Variants in COL24A1 observed in about 807,000 individuals in gnomAD.
The protein encoded by COL24A1 is collagen alpha-1(XXIV) chain.
Under a neutral mutation model 253.9 loss-of-function variants are expected in COL24A1, and 224 were observed. The observed-to-expected ratio is 0.88, with a 90% CI of 0.79 to 0.99. The LOEUF (loss-of-function observed/expected upper bound fraction) is 0.99. Ranked by LOEUF, COL24A1 falls within the 50% of genes least tolerant of loss-of-function variation. COL24A1 has a pLI of 0.00. For missense variants in COL24A1, 2,131 were observed against 2,068.5 expected (o/e 1.03, Z -0.59); for synonymous variants, 685 against 673.7 (o/e 1.02, Z -0.26).
In COL24A1 at chr1:85,761,565, C is replaced by T; in HGVS notation, c.4376G>A (p.Gly1459Asp). The T allele has an allele frequency of 3.1e-6, 5 of 1,614,020 alleles. No homozygotes were observed. Among genetic ancestry groups the T allele is most frequent in the Non-Finnish European group, 4.2e-6 (5 of 1,179,942 alleles). ...RGEKGFRGET[G>D]PQGPRGQPGP... ...TGGTTGACCTCTTGGTCCTTGAGGA[C>T]CCTGGAAGAAATGGAGACAAACACA... Residue 1459 changes from glycine (G) to aspartate (D), a missense_variant and splice_region_variant, in exon 54 of 60, where the codon GGT becomes GAT. Physicochemically the swap from Gly to Asp is moderately conservative, Grantham distance 94. Transcript: ENST00000370571.
chr1:86,136,093 C>G (rs1416577666), intron 2 of COL24A1, among the ~76,000 whole-genome samples: 1 of 152,046 alleles, frequency 6.6e-6, no homozygotes, highest in East Asian at 1.9e-4. Flanking sequence ...ATATACAACC[C>G]TTCATTCTCT....
intron 47 of COL24A1, among the ~76,000 whole-genome samples, chr1:85,807,792 G>GTATACT (rs1672136580): frequency 2.0e-5 from 3 of 152,182 alleles, no homozygotes; most frequent in Non-Finnish European, 4.4e-5. Context: ...GTATTCTTGA[G>GTATACT]AGAGACCTAT....
chr1:86,100,683 G>C (rs1016078078), intron 5 of COL24A1, among the ~76,000 whole-genome samples: 1 of 152,116 alleles, frequency 6.6e-6, no homozygotes, highest in African/African-American at 2.4e-5. Flanking sequence ...AATGATTAGA[G>C]AATGGGAACT....
intron 19 of COL24A1, among the ~76,000 whole-genome samples, chr1:86,000,702 C>T (rs1160842857): frequency 6.6e-6 from 1 of 152,156 alleles, no homozygotes; most frequent in Non-Finnish European, 1.5e-5. Context: ...TAATGAAGAC[C>T]ACCCTGACGG....
chr1:85,851,017 A>C (rs142280051), intron 37 of COL24A1, among the ~76,000 whole-genome samples: 1,544 of 124,772 alleles, frequency 0.012, 28 homozygotes, highest in African/African-American at 0.038. Flanking sequence ...ATATATATAT[A>C]TATCTACATA....
At chr1:86,110,715 C>T (rs908110789) in intron 5 of COL24A1, among the ~76,000 whole-genome samples, 2 of 152,130 alleles carry the variant, frequency 1.3e-5, no homozygotes, top group African/African-American at 4.8e-5. Flanking sequence ...GCGCTGGGTC[C>T]CGCAGCACTG....
intron 7 of COL24A1, among the ~76,000 whole-genome samples, chr1:86,084,111 A>G (rs1213814499): frequency 1.3e-5 from 2 of 152,194 alleles, no homozygotes; most frequent in African/African-American, 2.4e-5. Context: ...TTTGACCAAA[A>G]TAACCAGAGA....
intron 18 of COL24A1, among the ~76,000 whole-genome samples, chr1:86,019,676 C>T (rs1262828284): frequency 1.3e-5 from 2 of 151,752 alleles, no homozygotes; most frequent in Non-Finnish European, 2.9e-5. Context: ...TATCTTCGGC[C>T]CAAAGTAGTT....
chr1:85,846,995 T>C (rs1286747777), intron 39 of COL24A1, among the ~76,000 whole-genome samples: 1 of 152,116 alleles, frequency 6.6e-6, no homozygotes, highest in African/African-American at 2.4e-5. Flanking sequence ...TAAATGGAAA[T>C]ACGCATGCAT....
intron 28 of COL24A1, among the ~76,000 whole-genome samples, chr1:85,900,806 A>G (rs889784920): frequency 6.6e-6 from 1 of 152,190 alleles, no homozygotes; most frequent in African/African-American, 2.4e-5. Context: ...AGAGCACACA[A>G]TGGGGAATGG....
chr1:86,142,545 A>C (rs564658880), intron 2 of COL24A1, among the ~76,000 whole-genome samples: 3 of 151,010 alleles, frequency 2.0e-5, no homozygotes, highest in Admixed American at 6.6e-5. Context: ...AAAAAACAAA[A>C]AACAAAAAAA....
At chr1:85,766,388 AAAG>A (rs1553169301) in intron 53 of COL24A1, among the ~76,000 whole-genome samples, 15,901 of 45,394 alleles carry the variant, frequency 0.35, 1,379 homozygotes, top group Middle Eastern at 0.45. Context: ...AAAAAAAAAA[AAAG>A]AAAGAAAGAA....
intron 31 of COL24A1, among the ~76,000 whole-genome samples, chr1:85,894,735 T>C (rs963980172): frequency 3.3e-5 from 5 of 152,190 alleles, no homozygotes; most frequent in Non-Finnish European, 5.9e-5. Flanking sequence ...CGTTAATCAA[T>C]AATACAATGC....
intron 12 of COL24A1, among the ~76,000 whole-genome samples, chr1:86,042,244 C>T (rs183953052): frequency 1.3e-5 from 2 of 152,104 alleles, no homozygotes; most frequent in East Asian, 3.9e-4. Context: ...ATTTCGAATG[C>T]CAACAGTATA....
intron 20 of COL24A1, among the ~76,000 whole-genome samples, chr1:85,976,823 A>T (rs1019704888): frequency 6.6e-6 from 1 of 152,186 alleles, no homozygotes; most frequent in African/African-American, 2.4e-5. Context: ...CCCTACTCCA[A>T]GGAAGGAGAA....
At chr1:85,940,518 T>C (rs1688654362) in intron 24 of COL24A1, among the ~76,000 whole-genome samples, 1 of 146,688 alleles carries the variant, frequency 6.8e-6, no homozygotes, top group Non-Finnish European at 1.5e-5. Context: ...GCATGCTAAA[T>C]AATGTAAAAT....
At chr1:86,047,288 T>A (rs1404288435) in intron 11 of COL24A1, among the ~76,000 whole-genome samples, 1 of 152,180 alleles carries the variant, frequency 6.6e-6, no homozygotes, top group African/African-American at 2.4e-5. Flanking sequence ...GCACTGGCAA[T>A]CTTGCAATCA....
intron 11 of COL24A1, among the ~76,000 whole-genome samples, chr1:86,049,074 T>C (rs376372403): frequency 6.6e-6 from 1 of 152,230 alleles, no homozygotes; most frequent in African/African-American, 2.4e-5. Context: ...ATCGGTGAGA[T>C]ACATCCTCCG....
chr1:85,839,804 A>AAAATTATCTAAT (rs1676407800), intron 42 of COL24A1, among the ~76,000 whole-genome samples: 1 of 152,154 alleles, frequency 6.6e-6, no homozygotes, highest in Non-Finnish European at 1.5e-5. Context: ...CCTTAAGCCA[A>AAAATTATCTAAT]AAATTATCTA....
Sources: gnomAD v4.1 joint callset for allele counts (sites outside exome capture counted in the v4.1 genomes callset) on GRCh38, gnomAD v4.1.1 for gene constraint, MANE v1.5 for transcripts, NCBI Gene and HGNC (gene_info 2026-07-23, HGNC 2026-07-21) for gene names.